PALS1: variants seen among roughly 807,000 people sequenced by gnomAD.
The protein encoded by PALS1 is protein associated with LIN7 1, MAGUK p55 family member, also known as protein PALS1.
In PALS1, 31 loss-of-function variants were observed where a neutral mutation model predicts 78.9. That is an observed-to-expected ratio of 0.39 (90% CI 0.30 to 0.53). The LOEUF is 0.53. PALS1 is among the 20% of genes least tolerant of loss of function. The pLI, the probability that PALS1 is intolerant of heterozygous loss-of-function variation, is 0.67. For synonymous variants in PALS1, 276 were observed against 270.9 expected (o/e 1.02, Z -0.18); for missense variants, 704 against 826.5 (o/e 0.85, Z 1.82).
At position 67,286,855 on chromosome 14, in the gene PALS1, C is replaced by CAAAA. The variant is rs201923149; in HGVS notation, c.368-5640_368-5637dup. Among the ~76,000 whole-genome samples the CAAAA allele has an allele frequency of 3.1e-3, 206 of 67,192 alleles. 7 individuals carry two copies. The East Asian group carries it at 0.047, about 15-fold the overall frequency. The allele number at this position is 67,192 out of a possible 152,430, so 44.1% of individuals were successfully genotyped here. Reference sequence around the variant, plus strand: ...GTGGTGACAGAGTGAGACCTGGTCTCAAAAAAAAAAAAAAAAAAAGAAAAA... The same window carrying CAAAA: ...GTGGTGACAGAGTGAGACCTGGTCTCAAAAAAAAAAAAAAAAAAAAAAAGAAAAA... On this transcript the variant is annotated intron_variant, in intron 3 of 14. Transcript: ENST00000261681.
At chr14:67,320,509 T>A in intron 12 of PALS1, 112 bp downstream of exon 12, 1 of 1,007,586 alleles carries the variant, frequency 9.9e-7, no homozygotes, top group Non-Finnish European at 1.4e-6. Context: ...CTGTTGTCAG[T>A]GAAAGAGGAA....
chr14:67,312,509 G>A lies in PALS1; in HGVS notation c.1042-18G>A, dbSNP rs991615236. 8 of 1,490,712 alleles carry A rather than the reference G, an allele frequency of 5.4e-6. No individual in the cohort carries two copies. The highest frequency in any genetic ancestry group is 1.8e-4 in the Middle Eastern group (1 of 5,414). The allele number at this position is 1,490,712 out of a possible 1,614,324, so 92.3% of individuals were successfully genotyped here. ...TATATTGCCATTTATTGTTGTTTTT[G>A]CCCTTTTTATCTTTTAGATCCATGT... On this transcript the variant is annotated intron_variant, in intron 8 of 14. Transcript: ENST00000261681.
chr14:67,284,324 G>A (rs966928088), intron 3 of PALS1, among the ~76,000 whole-genome samples: 3 of 151,106 alleles, frequency 2.0e-5, no homozygotes, highest in South Asian at 2.1e-4. Flanking sequence ...GCAGGCAGGC[G>A]TGGTGGTTCA....
At chr14:67,311,527 G>T (rs2085089171) in intron 8 of PALS1, among the ~76,000 whole-genome samples, 1 of 152,112 alleles carries the variant, frequency 6.6e-6, no homozygotes, top group South Asian at 2.1e-4. Flanking sequence ...TATAGATTTT[G>T]GAAGTGTCAC....
chr14:67,328,439 T>G (rs888097953), intron 14 of PALS1, among the ~76,000 whole-genome samples: 2 of 152,236 alleles, frequency 1.3e-5, no homozygotes, highest in Non-Finnish European at 2.9e-5. Flanking sequence ...GGTTGCCTAT[T>G]CACTCTGATG....
At chr14:67,276,555 T>C (rs1389810834) in intron 2 of PALS1, among the ~76,000 whole-genome samples, 1 of 152,216 alleles carries the variant, frequency 6.6e-6, no homozygotes, top group African/African-American at 2.4e-5. Context: ...TCTTATGATA[T>C]GTATTAGGCT....
intron 8 of PALS1, among the ~76,000 whole-genome samples, chr14:67,310,941 G>A (rs900671867): frequency 3.3e-5 from 5 of 152,088 alleles, no homozygotes; most frequent in South Asian, 2.1e-4. Context: ...CTTAAAGAGC[G>A]CTTAAAAAGT....
At chr14:67,323,615 A>AATATATATATATATATATATATATAT (rs150511527) in intron 13 of PALS1, 87 bp from the exon 14 acceptor site, 33 of 260,270 alleles carry the variant, frequency 1.3e-4, no homozygotes, top group Admixed American at 3.5e-4. Context: ...CCCTTAATCT[A>AATATATATATATATATATATATATAT]ATATATATAT....
rs193184282 is a variant in PALS1 at position 67,273,655 on chromosome 14, G to A, written c.-154+3872G>A. Among the ~76,000 whole-genome samples, 151 of 152,258 alleles carry A rather than the reference G, an allele frequency of 9.9e-4. 1 individual carries two copies. The Middle Eastern group carries it at 0.017, about 17-fold the overall frequency. On this transcript the variant is annotated intron_variant, in intron 2 of 14. Transcript: ENST00000261681. ...ATATACCCAGTAATGGGATGGCTGG[G>A]TCAAATGGTATTTCTAGTTCTAGAT...
chr14:67,302,492 T>G lies in PALS1; in HGVS notation c.884T>G (p.Leu295Trp). ...KGGAAEKSGLLHEGDEVLEIN... is the reference protein window; with the variant it reads ...KGGAAEKSGLWHEGDEVLEIN... ...GGTGCTGCAGAGAAAAGTGGTCTGTTGCATGAAGGAGATGAAGTTCTAGAG... is the reference window on the plus strand; with the variant it reads ...GGTGCTGCAGAGAAAAGTGGTCTGTGGCATGAAGGAGATGAAGTTCTAGAG... Residue 295 changes from leucine (L) to tryptophan (W), a missense_variant, in exon 7 of 15, where the codon TTG becomes TGG. Transcript: ENST00000261681. 6.3e-7 allele frequency: 1 copy of G among 1,598,464 alleles called. No homozygotes were observed.
At chr14:67,279,740 G>A in intron 3 of PALS1, 1 of 442,634 alleles carries the variant, frequency 2.3e-6, no homozygotes, top group Non-Finnish European at 3.9e-6. Context: ...TGGCTTAAAT[G>A]TTAAGTCACT....
rs560955994 is a variant in PALS1, at chr14:67,274,375, A to G, written c.-154+4592A>G. Among the ~76,000 whole-genome samples the G allele has an allele frequency of 4.6e-5, 7 of 152,324 alleles. 2 individuals are homozygous for G. Among genetic ancestry groups the G allele is most frequent in the African/African-American group, 1.7e-4 (7 of 41,572 alleles). Reference sequence around the variant, plus strand: ...GTTTTCCCAGCACCATTTATTAAATAGGGCATCCTTTCCCCATTTTTGTTT... The same window carrying G: ...GTTTTCCCAGCACCATTTATTAAATGGGGCATCCTTTCCCCATTTTTGTTT... On this transcript the variant is annotated intron_variant, in intron 2 of 14. Transcript: ENST00000261681.
intron 1 of PALS1, 123 bp downstream of exon 1, chr14:67,241,656 C>G (rs2083906482): frequency 6.5e-6 from 1 of 152,826 alleles, no homozygotes; most frequent in South Asian, 2.1e-4. Flanking sequence ...AAACTCCGGC[C>G]AGCGGGAGAC....
intron 3 of PALS1, among the ~76,000 whole-genome samples, chr14:67,280,580 A>C (rs571269025): frequency 6.6e-6 from 1 of 152,190 alleles, no homozygotes; most frequent in African/African-American, 2.4e-5. Context: ...TAAAGACACC[A>C]ATGGTAGAGC....
In PALS1 at chr14:67,312,698, G is replaced by T; in HGVS notation, c.1213G>T (p.Gly405Trp). 1 of 1,605,964 alleles carries T rather than the reference G, an allele frequency of 6.2e-7. No homozygotes were observed. The highest frequency in any genetic ancestry group is 8.5e-7 in the Non-Finnish European group (1 of 1,175,802). Reference protein sequence around the residue: ...EGDEDNQPLAGLVPGKSFQQQ... With the variant: ...EGDEDNQPLAWLVPGKSFQQQ... ...GGACGAAGATAATCAACCTCTAGCC[G>T]GGCTTGTTCCAGGTAAGACACAATA... is the stretch of plus-strand genomic sequence containing the variant. Residue 405 changes from glycine to tryptophan, a missense_variant, in exon 9 of 15, where the codon GGG (glycine) becomes TGG (tryptophan). Gly to Trp is a radical substitution (Grantham distance 184). Coordinates refer to ENST00000261681, the MANE Select transcript of PALS1 (RefSeq NM_022474.4).
chr14:67,303,463 A>G, intron 7 of PALS1, 59 bp from the exon 8 acceptor site: 1 of 1,344,476 alleles, frequency 7.4e-7, no homozygotes, highest in Non-Finnish European at 1.1e-6. Context: ...AGATCATAAA[A>G]TCATGGAATG....
intron 8 of PALS1, among the ~76,000 whole-genome samples, chr14:67,305,704 C>T (rs1313494652): frequency 3.3e-5 from 5 of 152,118 alleles, no homozygotes; most frequent in South Asian, 2.1e-4. Context: ...TGTTGATTCT[C>T]GTTGTATGCA....
chr14:67,290,809 A>AT (rs2084759981), intron 3 of PALS1, among the ~76,000 whole-genome samples: 1 of 152,214 alleles, frequency 6.6e-6, no homozygotes, highest in African/African-American at 2.4e-5. Flanking sequence ...TGCTGGGGTT[A>AT]CAGACCTGAG....
chr14:67,279,096 T>C lies in PALS1; in HGVS notation c.-75T>C. On this transcript the variant is annotated 5_prime_UTR_variant, in exon 3 of 15. Transcript: ENST00000261681. ...TTTTTTTGAAGTAACATGGATTTTA[T>C]ACTACAGAATCAAGAGAATTGGCTT... 1 of 1,358,098 alleles carries C rather than the reference T, an allele frequency of 7.4e-7. No individual in the cohort carries two copies. The highest frequency in any genetic ancestry group is 9.7e-7 in the Non-Finnish European group (1 of 1,027,682). 84.1% of individuals were successfully genotyped at this position (1,358,098 alleles called of 1,614,324 possible). A position where few individuals can be genotyped will look rare whatever the true frequency, so the allele number is the denominator to read the frequency against.
Sources: gnomAD v4.1 joint callset for allele counts (sites outside exome capture counted in the v4.1 genomes callset) on GRCh38, gnomAD v4.1.1 for gene constraint, MANE v1.5 for transcripts, NCBI Gene and HGNC (gene_info 2026-07-23, HGNC 2026-07-21) for gene names.